The following LAMA4 variants were observed in gnomAD, a reference collection of about 807,000 sequenced individuals.
LAMA4 encodes the protein laminin subunit alpha-4.
Under a neutral mutation model 207.1 loss-of-function variants are expected in LAMA4, and 127 were observed. The observed-to-expected ratio is 0.61, with a 90% CI of 0.53 to 0.71. The LOEUF (loss-of-function observed/expected upper bound fraction) is 0.71, where lower values mean the gene tolerates loss of function less well. Ranked by LOEUF, LAMA4 falls within the 30% of genes least tolerant of loss-of-function variation. The pLI, the probability that LAMA4 is intolerant of heterozygous loss-of-function variation, is 0.00. For synonymous variants in LAMA4, 761 were observed against 816.0 expected (o/e 0.93, Z 1.15); for missense variants, 2,093 against 2,246.5 (o/e 0.93, Z 1.38).
chr6:112,220,704 C>T (rs973721266), intron 2 of LAMA4, among the ~76,000 whole-genome samples: 6 of 152,116 alleles, frequency 3.9e-5, no homozygotes, highest in African/African-American at 7.2e-5. Flanking sequence ...CTTGAGAGCA[C>T]TAGAGTCATA....
At chr6:112,145,338 GGGCTCAAC>G (rs1779958326) in intron 18 of LAMA4, among the ~76,000 whole-genome samples, 1 of 152,248 alleles carries the variant, frequency 6.6e-6, no homozygotes, top group Non-Finnish European at 1.5e-5. Context: ...GGGAGAGCCA[GGGCTCAAC>G]ATGGCTCAGG....
At position 112,158,643 on chromosome 6, in the gene LAMA4, G is replaced by A. The variant is rs1780868572; in HGVS notation, c.1817+89C>T. ...CAACCTTAATCAACCTGGTAAAATT[G>A]TATCCCAGTAGTTCTGACATATGGA... is the stretch of plus-strand genomic sequence containing the variant. On this transcript the variant is annotated intron_variant, in intron 14 of 38. Transcript: ENST00000230538. 9 of 1,287,542 alleles carry A rather than the reference G, an allele frequency of 7.0e-6. No individual in the cohort carries two copies. The East Asian group carries it at 2.1e-4, about 30-fold the overall frequency. 79.8% of individuals were successfully genotyped at this position (1,287,542 alleles called of 1,614,324 possible).
intron 31 of LAMA4, among the ~76,000 whole-genome samples, chr6:112,127,898 A>G (rs1456176918): frequency 6.6e-6 from 1 of 152,186 alleles, no homozygotes; most frequent in Non-Finnish European, 1.5e-5. Context: ...AATGAAGGCA[A>G]ATAATGTACA....
At chr6:112,141,300 G>C (rs782561750) in intron 21 of LAMA4, 58 bp downstream of exon 21, 2 of 1,506,842 alleles carry the variant, frequency 1.3e-6, no homozygotes, top group African/African-American at 2.7e-5. Flanking sequence ...ACATGTGCAC[G>C]TTCAACAGGT....
intron 2 of LAMA4, among the ~76,000 whole-genome samples, chr6:112,228,049 C>T (rs1255675714): frequency 6.6e-6 from 1 of 152,128 alleles, no homozygotes; most frequent in Non-Finnish European, 1.5e-5. Context: ...GTTTTCTGTC[C>T]TAAGAAAGGA....
intron 18 of LAMA4, among the ~76,000 whole-genome samples, chr6:112,145,136 G>C (rs1437556293): frequency 6.6e-6 from 1 of 152,200 alleles, no homozygotes; most frequent in African/African-American, 2.4e-5. Flanking sequence ...GGGCCAGACG[G>C]ACTCAGCTAG....
In LAMA4 at chr6:112,129,875, C is replaced by G. The variant is rs782604827; in HGVS notation, c.4133+1G>C. 1 of 1,572,876 alleles carries G rather than the reference C, an allele frequency of 6.4e-7. No homozygotes were observed. The highest frequency in any genetic ancestry group is 1.8e-5 in the Admixed American group (1 of 55,814). ...ATTCATTAATAATAAAAATATTATA[C>G]CTGGTAAAGTAGGCATTACTTATGC... On this transcript the variant is annotated splice_donor_variant, in intron 30 of 38. Coordinates refer to ENST00000230538, the MANE Select transcript of LAMA4 (RefSeq NM_001105206.3). LOFTEE classifies it high-confidence loss of function.
chr6:112,212,253 T>G (rs1554356915), intron 3 of LAMA4, among the ~76,000 whole-genome samples: 1 of 151,272 alleles, frequency 6.6e-6, no homozygotes, highest in African/African-American at 2.4e-5. Flanking sequence ...TAACAGAGTC[T>G]TGCTCTGTTG....
chr6:112,246,892 T>G (rs1303176442), intron 2 of LAMA4, among the ~76,000 whole-genome samples: 1 of 152,222 alleles, frequency 6.6e-6, no homozygotes. Context: ...ATCCTCCTAT[T>G]GCTGGGGAAA....
rs1456625188 is a variant in LAMA4, at chr6:112,175,539, T to A, written c.1190-59A>T. ...GGGAGAGATGACCAGGCACTAGAAA[T>A]GCAAGGGAGCAAGGGCTGTGGGCAA... On this transcript the variant is annotated intron_variant, in intron 10 of 38. Coordinates refer to ENST00000230538, the MANE Select transcript of LAMA4 (RefSeq NM_001105206.3). 9 of 1,570,410 alleles carry A rather than the reference T, an allele frequency of 5.7e-6. No individual in the cohort carries two copies. In the East Asian group the frequency reaches 1.8e-4, roughly 31 times the overall value.
chr6:112,227,301 C>A (rs1451129531), intron 2 of LAMA4, among the ~76,000 whole-genome samples: 1 of 152,020 alleles, frequency 6.6e-6, no homozygotes, highest in South Asian at 2.1e-4. Context: ...GAACTCCTGA[C>A]CTCGTGATCC....
At chr6:112,137,415 TA>T (rs1554331896) in intron 24 of LAMA4, among the ~76,000 whole-genome samples, 1 of 152,316 alleles carries the variant, frequency 6.6e-6, no homozygotes, top group Admixed American at 6.5e-5. Flanking sequence ...TTATACTCAC[TA>T]AAAAATCTAA....
intron 2 of LAMA4, among the ~76,000 whole-genome samples, chr6:112,238,826 ACTAT>A (rs1554367067): frequency 6.6e-6 from 1 of 152,242 alleles, no homozygotes; most frequent in African/African-American, 2.4e-5. Flanking sequence ...AATTACACGC[ACTAT>A]CTTATTTTCT....
At chr6:112,153,253 A>AG (rs139115761) in intron 16 of LAMA4, among the ~76,000 whole-genome samples, 12,517 of 152,166 alleles carry the variant, frequency 0.082, 692 homozygotes, top group Non-Finnish European at 0.13. Context: ...AATGTAATTC[A>AG]GTAGATGACT....
At chr6:112,115,529 G>T (rs2114561846) in intron 36 of LAMA4, among the ~76,000 whole-genome samples, 1 of 152,050 alleles carries the variant, frequency 6.6e-6, no homozygotes, top group African/African-American at 2.4e-5. Context: ...TATTTAGAAA[G>T]ATGTTTTAGT....
At position 112,128,877 on chromosome 6, in the gene LAMA4, G is replaced by T. The variant is rs781908607; in HGVS notation, c.4287+45C>A. The T allele has an allele frequency of 4.5e-6, 7 of 1,563,076 alleles. No individual in the cohort carries two copies. In the Admixed American group the frequency reaches 1.2e-4, roughly 26 times the overall value. ...CAGCAGTGTCTAGAACTGTGTGCAT[G>T]GAAAATGATGACAATTAGGAAGTCA... On this transcript the variant is annotated intron_variant, in intron 31 of 38. Transcript: ENST00000230538.
At chr6:112,244,522 C>A (rs1554188290) in intron 2 of LAMA4, among the ~76,000 whole-genome samples, 1 of 152,180 alleles carries the variant, frequency 6.6e-6, no homozygotes. Context: ...CCCTTTTATT[C>A]CTTTACTTTC....
chr6:112,187,752 T>G, intron 7 of LAMA4, 151 bp from the exon 8 acceptor site: 1 of 850,972 alleles, frequency 1.2e-6, no homozygotes, highest in Non-Finnish European at 1.9e-6. Flanking sequence ...CAGGCTTTAG[T>G]ATCTTGCTTG....
chr6:112,253,742 C>T lies in LAMA4; in HGVS notation c.195+214G>A, dbSNP rs781877090. On this transcript the variant is annotated intron_variant, in intron 2 of 38. Transcript: ENST00000230538. ...ATGCACTCTCACCCCTTTGAGCAGA[C>T]ACATTCCGAAGCCTCAACTTTCAAC... 17 of 1,613,270 alleles carry T rather than the reference C, an allele frequency of 1.1e-5. No homozygotes were observed. In the South Asian group the frequency reaches 1.7e-4, roughly 16 times the overall value.
Sources: gnomAD v4.1 joint callset for allele counts (sites outside exome capture counted in the v4.1 genomes callset) on GRCh38, gnomAD v4.1.1 for gene constraint, MANE v1.5 for transcripts, NCBI Gene and HGNC (gene_info 2026-07-23, HGNC 2026-07-21) for gene names.